RAB11FIP3: variants seen among roughly 807,000 people sequenced by gnomAD.
The protein encoded by RAB11FIP3 is RAB11 family interacting protein 3.
In RAB11FIP3, 17 loss-of-function variants were observed where a neutral mutation model predicts 77.8. That is an observed-to-expected ratio of 0.22 (90% CI 0.15 to 0.33). The LOEUF (loss-of-function observed/expected upper bound fraction) is 0.33, where lower values mean the gene tolerates loss of function less well. Ranked by LOEUF, RAB11FIP3 falls within the 10% of genes least tolerant of loss-of-function variation. The pLI, the probability that RAB11FIP3 is intolerant of heterozygous loss-of-function variation, is 1.00. For missense variants in RAB11FIP3, 1,005 were observed against 1,011.2 expected, an observed-to-expected ratio of 0.99 and a Z score of 0.08; for synonymous variants, 437 against 448.2, an observed-to-expected ratio of 0.98 and a Z score of 0.31.
Position 461,405 on chromosome 16 carries a change from T to G in RAB11FIP3, c.716T>G (p.Val239Gly). The G allele has an allele frequency of 6.2e-7, 1 of 1,613,068 alleles. No homozygotes were observed. Among genetic ancestry groups the G allele is most frequent in the Non-Finnish European group, 8.5e-7 (1 of 1,179,394 alleles). The change falls in exon 2 of 14, where the codon GTG (valine) becomes GGG (glycine). Residue 239 changes from valine (V) to glycine (G), a missense_variant and splice_region_variant. Transcript: ENST00000262305. This position sits in a 1 kb window ranked among gnomAD's most constrained non-coding sequence, Gnocchi z 4.5. Reference sequence around the variant, plus strand: ...CCTAGTCTCATTTGGCAATTACAGGTGAAGGACTTAACTAAGTACTTGGAT... The same window carrying G: ...CCTAGTCTCATTTGGCAATTACAGGGGAAGGACTTAACTAAGTACTTGGAT... ...QFATVYGAEQVKDLTKYLDPS... is the reference protein window; with the variant it reads ...QFATVYGAEQGKDLTKYLDPS...
intron 3 of RAB11FIP3, among the ~76,000 whole-genome samples, chr16:476,580 G>A (rs1051931780): frequency 2.6e-5 from 4 of 152,048 alleles, no homozygotes; most frequent in Admixed American, 1.3e-4. Flanking sequence ...GAAGGGCATC[G>A]GGCATCTGTC....
Position 518,956 on chromosome 16 carries a change from G to T in RAB11FIP3, c.1654G>T (p.Asp552Tyr), listed in dbSNP as rs771611236. 6.2e-7 allele frequency: 1 copy of T among 1,613,610 alleles called. No homozygotes were observed. The highest frequency in any genetic ancestry group is 8.5e-7 in the Non-Finnish European group (1 of 1,180,016). Residue 552 changes from aspartate to tyrosine, a missense_variant, in exon 10 of 14, where the codon GAC becomes TAC. This residue lies in a region of RAB11FIP3 where 433 missense variants were observed against 436.1 expected (regional missense o/e 0.99). Transcript: ENST00000262305. ...ENLQTRLQQLDEENSELRSCT... is the reference protein window; with the variant it reads ...ENLQTRLQQLYEENSELRSCT... ...CTTGTGTCCCAGGCTACAGCAACTG[G>T]ACGAGGAGAACAGTGAACTCCGGTC...
chr16:520,379 C>CT, intron 12 of RAB11FIP3, 80 bp from the exon 13 acceptor site: 2 of 1,591,204 alleles, frequency 1.3e-6, no homozygotes, highest in Non-Finnish European at 1.7e-6. Context: ...AGCTGGAGGC[C>CT]TTTTTCCCCG....
At chr16:447,665 G>A (rs543396039) in intron 1 of RAB11FIP3, among the ~76,000 whole-genome samples, 2 of 152,322 alleles carry the variant, frequency 1.3e-5, no homozygotes, top group South Asian at 2.1e-4. Context: ...GTGAACCCGG[G>A]GGGCAGAGGT....
At chr16:518,363 A>G (rs13338221) in intron 9 of RAB11FIP3, among the ~76,000 whole-genome samples, 9,089 of 152,266 alleles carry the variant, frequency 0.06, 478 homozygotes, top group African/African-American at 0.14. Flanking sequence ...TTACAGGCGT[A>G]AGCCACTGTA....
rs1388630050 is a variant in RAB11FIP3 at position 472,467 on chromosome 16, C to T, written c.903+1078C>T. On this transcript the variant is annotated intron_variant, in intron 3 of 13. Coordinates refer to ENST00000262305, the MANE Select transcript of RAB11FIP3 (RefSeq NM_014700.4). This position sits in a 1 kb window ranked among gnomAD's most constrained non-coding sequence, Gnocchi z 4.1. ...GAGGGCGTGTGGTGGGAGTTGGACC[C>T]TCTCGCATGGCTGCAGTGTGCAGAA... Among the ~76,000 whole-genome samples the T allele has an allele frequency of 9.2e-5, 14 of 152,194 alleles. No homozygotes were observed. The highest frequency in any genetic ancestry group is 9.2e-4 in the Admixed American group (14 of 15,284).
chr16:442,382 T>G (rs1174171804), intron 1 of RAB11FIP3, among the ~76,000 whole-genome samples: 1 of 152,174 alleles, frequency 6.6e-6, no homozygotes, highest in African/African-American at 2.4e-5. Context: ...GTAGTTGGAG[T>G]TATAAATTCA....
At chr16:477,141 C>G (rs1447927713) in intron 3 of RAB11FIP3, among the ~76,000 whole-genome samples, 1 of 151,194 alleles carries the variant, frequency 6.6e-6, no homozygotes, top group Non-Finnish European at 1.5e-5. Flanking sequence ...GTAATCCCTG[C>G]TACTTGGGAG....
At chr16:481,352 A>G (rs935746814) in intron 3 of RAB11FIP3, among the ~76,000 whole-genome samples, 1 of 151,954 alleles carries the variant, frequency 6.6e-6, no homozygotes, top group African/African-American at 2.4e-5. Context: ...CTCTACTAGA[A>G]ATACAAAACT....
At chr16:459,471 T>C (rs897086052) in intron 1 of RAB11FIP3, among the ~76,000 whole-genome samples, 2 of 151,138 alleles carry the variant, frequency 1.3e-5, no homozygotes, top group African/African-American at 2.4e-5. Flanking sequence ...AATTCTCATT[T>C]TGTAGCCCAG....
intron 1 of RAB11FIP3, among the ~76,000 whole-genome samples, chr16:432,048 C>T (rs1008400038): frequency 1.3e-5 from 2 of 152,102 alleles, no homozygotes; most frequent in South Asian, 2.1e-4. Flanking sequence ...TGAGCTATGG[C>T]GCCCAGTGAA....
chr16:498,549 C>G (rs886687671), intron 6 of RAB11FIP3, among the ~76,000 whole-genome samples: 1 of 152,114 alleles, frequency 6.6e-6, no homozygotes, highest in East Asian at 1.9e-4. Flanking sequence ...CAGTCTTGCT[C>G]TGTCTTGCTC....
In RAB11FIP3 at chr16:445,113, C is replaced by CAA. The variant is rs56706849; in HGVS notation, c.715-16274_715-16273dup. On this transcript the variant is annotated intron_variant, in intron 1 of 13. Coordinates refer to ENST00000262305, the MANE Select transcript of RAB11FIP3 (RefSeq NM_014700.4). Reference sequence around the variant, plus strand: ...TGGGTGACAGAGCGAGACTCTGTCTCAAAAAAAAAAAAAAAAAAGAAAAAA... The same window carrying CAA: ...TGGGTGACAGAGCGAGACTCTGTCTCAAAAAAAAAAAAAAAAAAAAGAAAAAA... Among the ~76,000 whole-genome samples, 369 of 70,586 alleles carry CAA rather than the reference C, an allele frequency of 5.2e-3. 9 individuals are homozygous for CAA. The highest frequency in any genetic ancestry group is 0.013 in the South Asian group (24 of 1,836). 46.3% of individuals were successfully genotyped at this position (70,586 alleles called of 152,430 possible). A position where few individuals can be genotyped will look rare whatever the true frequency, so the allele number is the denominator to read the frequency against.
At chr16:515,269 A>AAAGTTTTCTC (rs2032346579) in intron 9 of RAB11FIP3, among the ~76,000 whole-genome samples, 1 of 152,242 alleles carries the variant, frequency 6.6e-6, no homozygotes, top group African/African-American at 2.4e-5. Context: ...TGCAAGTGTT[A>AAAGTTTTCTC]CTTTGAAAGG....
intron 1 of RAB11FIP3, among the ~76,000 whole-genome samples, chr16:448,539 A>C (rs2055354400): frequency 6.6e-6 from 1 of 151,838 alleles, no homozygotes; most frequent in Non-Finnish European, 1.5e-5. Context: ...GATCGAGACC[A>C]TCCTGGCTAA....
intron 4 of RAB11FIP3, among the ~76,000 whole-genome samples, chr16:483,727 C>T (rs940547575): frequency 6.6e-6 from 1 of 152,016 alleles, no homozygotes; most frequent in Admixed American, 6.6e-5. Context: ...GTGAGGTCTG[C>T]TGCCTGCTGC....
At chr16:496,559 C>T (rs981157336) in intron 5 of RAB11FIP3, among the ~76,000 whole-genome samples, 1 of 152,250 alleles carries the variant, frequency 6.6e-6, no homozygotes, top group Non-Finnish European at 1.5e-5. Flanking sequence ...GCTGGCCTCT[C>T]AGTCGTGGTC....
At chr16:427,656 G>A (rs1414653685) in intron 1 of RAB11FIP3, among the ~76,000 whole-genome samples, 3 of 152,222 alleles carry the variant, frequency 2.0e-5, no homozygotes, top group Non-Finnish European at 2.9e-5. Flanking sequence ...TCCCTAAGGT[G>A]CATCTGTCAA....
chr16:461,081 G>A lies in RAB11FIP3; in HGVS notation c.715-323G>A, dbSNP rs371473157. Among the ~76,000 whole-genome samples the A allele has an allele frequency of 1.3e-5, 2 of 152,084 alleles. No homozygotes were observed. The highest frequency in any genetic ancestry group is 1.9e-4 in the East Asian group (1 of 5,202). On this transcript the variant is annotated intron_variant, in intron 1 of 13. Coordinates refer to ENST00000262305, the MANE Select transcript of RAB11FIP3 (RefSeq NM_014700.4). The surrounding 1 kb of genome is among the most constrained non-coding windows in gnomAD (Gnocchi z 4.5). ...ACCAGGGATTGGTTTCATAGAAGAC[G>A]CCTTTCCACAGACGGGCAGGGCGTT...
Sources: allele counts gnomAD v4.1 joint callset (sites outside exome capture counted in the v4.1 genomes callset), GRCh38; gene constraint gnomAD v4.1.1; regional missense constraint gnomAD v4.1.1; non-coding constraint Gnocchi (gnomAD v3.1); transcripts MANE v1.5; gene names NCBI Gene and HGNC (gene_info 2026-07-23, HGNC 2026-07-21).